CNTN5: variants seen among roughly 807,000 people sequenced by gnomAD.
CNTN5 encodes contactin 5.
In CNTN5, 77 loss-of-function variants were observed where a neutral mutation model predicts 129.1. That is an observed-to-expected ratio of 0.60 (90% CI 0.50 to 0.72). The LOEUF (loss-of-function observed/expected upper bound fraction) is 0.72, where lower values mean the gene tolerates loss of function less well. Among genes scored for constraint, CNTN5 ranks in the 30% least tolerant of loss-of-function variants. CNTN5 has a pLI of 0.00. For synonymous variants in CNTN5, 509 were observed against 465.6 expected (o/e 1.09, Z -1.20); for missense variants, 1,478 against 1,328.8 (o/e 1.11, Z -1.75).
intron 2 of CNTN5, among the ~76,000 whole-genome samples, chr11:99,492,408 T>A (rs1441748900): frequency 6.6e-6 from 1 of 152,180 alleles, no homozygotes; most frequent in Non-Finnish European, 1.5e-5. Context: ...TTCTCAGGAA[T>A]CCAAGCTCAT....
chr11:99,455,479 G>C (rs967683335), intron 2 of CNTN5, among the ~76,000 whole-genome samples: 3 of 151,636 alleles, frequency 2.0e-5, no homozygotes, highest in African/African-American at 7.3e-5. Context: ...ATTTCAAAAA[G>C]AAGGAATAAA....
At chr11:100,252,505 G>C (rs1949983582) in intron 16 of CNTN5, among the ~76,000 whole-genome samples, 1 of 152,046 alleles carries the variant, frequency 6.6e-6, no homozygotes, top group Non-Finnish European at 1.5e-5. Context: ...AGGTCCTGAA[G>C]CACTTCCTCT....
intron 3 of CNTN5, among the ~76,000 whole-genome samples, chr11:99,562,038 A>C (rs879902835): frequency 3.3e-5 from 5 of 152,272 alleles, no homozygotes; most frequent in African/African-American, 7.2e-5. Context: ...GGCTCTGAGA[A>C]GTTGCCCTTT....
At chr11:99,997,890 A>G (rs940830827) in intron 8 of CNTN5, among the ~76,000 whole-genome samples, 3 of 152,174 alleles carry the variant, frequency 2.0e-5, no homozygotes, top group Non-Finnish European at 2.9e-5. Context: ...TATAAACAGA[A>G]CCAAAGACAA....
chr11:100,345,051 G>A (rs1159517971), intron 23 of CNTN5, among the ~76,000 whole-genome samples: 7 of 152,094 alleles, frequency 4.6e-5, no homozygotes, highest in Non-Finnish European at 1.0e-4. Flanking sequence ...TTTGACATTT[G>A]AGCTCCCCAT....
At chr11:99,075,491 A>G (rs938274500) in intron 1 of CNTN5, among the ~76,000 whole-genome samples, 1 of 152,006 alleles carries the variant, frequency 6.6e-6, no homozygotes. Context: ...TGTAGATAAA[A>G]CAAATCAAAA....
chr11:100,057,874 GCTA>G (rs1943300984), intron 9 of CNTN5, among the ~76,000 whole-genome samples: 1 of 151,954 alleles, frequency 6.6e-6, no homozygotes, highest in Admixed American at 6.6e-5. Flanking sequence ...TTTTTTGCCT[GCTA>G]CTTTGTGCCA....
intron 2 of CNTN5, among the ~76,000 whole-genome samples, chr11:99,347,095 T>C (rs991823687): frequency 6.6e-6 from 1 of 152,206 alleles, no homozygotes; most frequent in Non-Finnish European, 1.5e-5. Context: ...AGTTTTCATG[T>C]TCTTCCAGAG....
At chr11:99,029,184 A>G (rs1226270433) in intron 1 of CNTN5, among the ~76,000 whole-genome samples, 1 of 151,800 alleles carries the variant, frequency 6.6e-6, no homozygotes, top group Non-Finnish European at 1.5e-5. Context: ...ATTTTACTTC[A>G]ATTTTCATTC....
rs1306249260 is a variant in CNTN5 at position 100,286,690 on chromosome 11, G to A, written c.2315-10935G>A. 2.5e-4 allele frequency among the ~76,000 whole-genome samples: 37 copies of A among 150,168 alleles called. 2 individuals carry two copies. The highest frequency in any genetic ancestry group is 9.0e-4 in the African/African-American group (36 of 39,838). ...ACAGAAAAACTGGAAACTCTAAAAAGCAGAGTGCCTCTCCTCCTCCAAAGG... is the reference window on the plus strand; with the variant it reads ...ACAGAAAAACTGGAAACTCTAAAAAACAGAGTGCCTCTCCTCCTCCAAAGG... On this transcript the variant is annotated intron_variant, in intron 18 of 24. Transcript: ENST00000524871.
At chr11:99,955,520 A>G (rs1163523397) in intron 7 of CNTN5, among the ~76,000 whole-genome samples, 1 of 152,178 alleles carries the variant, frequency 6.6e-6, no homozygotes, top group Non-Finnish European at 1.5e-5. Flanking sequence ...CATTAATGCA[A>G]TACAACATTT....
intron 1 of CNTN5, among the ~76,000 whole-genome samples, chr11:99,042,666 C>T (rs763151065): frequency 6.6e-6 from 1 of 151,988 alleles, no homozygotes; most frequent in Non-Finnish European, 1.5e-5. Context: ...TGAGCCACCG[C>T]GCCCGGCCAC....
chr11:99,029,922 T>C (rs1276580557), intron 1 of CNTN5, among the ~76,000 whole-genome samples: 2 of 152,186 alleles, frequency 1.3e-5, no homozygotes, highest in Non-Finnish European at 2.9e-5. Flanking sequence ...GATCCACTGT[T>C]ACTCTATGAC....
Position 100,193,487 on chromosome 11 carries a change from G to T in CNTN5, c.1709-1G>T. ...TAATTAACGTATTTTTATTTCTATA[G>T]AACCTACAAGGATAGAACTTACTCC... On this transcript the variant is annotated splice_acceptor_variant, in intron 14 of 24. Coordinates refer to ENST00000524871, the MANE Select transcript of CNTN5 (RefSeq NM_014361.4). LOFTEE classifies it high-confidence loss of function. 6.5e-7 allele frequency: 1 copy of T among 1,535,718 alleles called. No individual in the cohort carries two copies. The highest frequency in any genetic ancestry group is 8.8e-7 in the Non-Finnish European group (1 of 1,132,270).
At chr11:99,169,681 G>T (rs563045152) in intron 1 of CNTN5, among the ~76,000 whole-genome samples, 1 of 151,912 alleles carries the variant, frequency 6.6e-6, no homozygotes, top group Non-Finnish European at 1.5e-5. Flanking sequence ...TAAAGAGAAA[G>T]AAAATTTCAA....
At chr11:99,350,849 T>C (rs1938247742) in intron 2 of CNTN5, among the ~76,000 whole-genome samples, 1 of 152,086 alleles carries the variant, frequency 6.6e-6, no homozygotes, top group Non-Finnish European at 1.5e-5. Flanking sequence ...TAATTTTCTG[T>C]AGTGGGAACT....
intron 2 of CNTN5, among the ~76,000 whole-genome samples, chr11:99,527,521 A>G (rs190757512): frequency 6.6e-6 from 1 of 152,326 alleles, no homozygotes. Flanking sequence ...CTACATACCA[A>G]GACTTCCAGT....
rs373805963 is a variant in CNTN5, at chr11:100,355,496, C to T, written c.3200-621C>T. ...ACTAAAAGAATAGTAAATACATAAG[C>T]CAAATAACAGTCATTTGTTACCATT... is the stretch of plus-strand genomic sequence containing the variant. On this transcript the variant is annotated intron_variant, in intron 24 of 24. Coordinates refer to ENST00000524871, the MANE Select transcript of CNTN5 (RefSeq NM_014361.4). Among the ~76,000 whole-genome samples, 6 of 151,828 alleles carry T rather than the reference C, an allele frequency of 4.0e-5. No individual in the cohort carries two copies. In the East Asian group the frequency reaches 1.2e-3, roughly 29 times the overall value.
chr11:100,344,078 G>A (rs1247184338), intron 23 of CNTN5, among the ~76,000 whole-genome samples: 2 of 151,974 alleles, frequency 1.3e-5, no homozygotes, highest in Non-Finnish European at 2.9e-5. Context: ...ATTAAAAAGG[G>A]AGGTCACTTA....
Sources: allele counts gnomAD v4.1 joint callset (sites outside exome capture counted in the v4.1 genomes callset), GRCh38; gene constraint gnomAD v4.1.1; transcripts MANE v1.5; gene names NCBI Gene and HGNC (gene_info 2026-07-23, HGNC 2026-07-21).